The following SPECC1 variants were observed in gnomAD, a reference collection of about 807,000 sequenced individuals.
The protein encoded by SPECC1 is cytospin-B.
SPECC1 carries 62 observed loss-of-function variants against 104.1 expected under a neutral mutation model. That is an observed-to-expected ratio of 0.60 (90% CI 0.49 to 0.74). SPECC1 has a LOEUF of 0.74. Among genes scored for constraint, SPECC1 ranks in the 30% least tolerant of loss-of-function variants. The probability of loss-of-function intolerance (pLI) is 0.00; values close to 1 mark genes in which losing one functional copy is unlikely to be tolerated. For missense variants in SPECC1, 1,306 were observed against 1,310.5 expected (o/e 1.00, Z 0.05); for synonymous variants, 513 against 501.6 (o/e 1.02, Z -0.30).
intron 4 of SPECC1, among the ~76,000 whole-genome samples, chr17:20,211,343 T>C (rs1001821961): frequency 6.6e-6 from 1 of 152,212 alleles, no homozygotes; most frequent in African/African-American, 2.4e-5. Context: ...CAGCAGCTCC[T>C]GTCAACAGGG....
At chr17:20,091,941 G>A (rs1229097348) in intron 1 of SPECC1, among the ~76,000 whole-genome samples, 1 of 152,176 alleles carries the variant, frequency 6.6e-6, no homozygotes, top group Non-Finnish European at 1.5e-5. Flanking sequence ...GGCTCCGAAG[G>A]CAGCAATTTA....
At chr17:20,126,588 C>G (rs4588033) in intron 3 of SPECC1, 44,461 of 152,080 alleles carry the variant, frequency 0.29, 8,282 homozygotes, top group Non-Finnish European at 0.41. Context: ...TCAGTTGATT[C>G]TCAGGTGTCT....
chr17:20,268,321 G>A (rs138820506), intron 12 of SPECC1, among the ~76,000 whole-genome samples: 9 of 152,304 alleles, frequency 5.9e-5, no homozygotes, highest in African/African-American at 2.2e-4. Flanking sequence ...GTCTTTGTGT[G>A]TCCACACTGA....
chr17:20,020,842 T>C (rs1477594834), intron 1 of SPECC1, among the ~76,000 whole-genome samples: 1 of 152,208 alleles, frequency 6.6e-6, no homozygotes, highest in African/African-American at 2.4e-5. Flanking sequence ...ATAATACTTT[T>C]GTGTATATAC....
rs930442854 is a variant in SPECC1 at position 20,263,254 on chromosome 17, G to C, written c.2940+2960G>C. Among the ~76,000 whole-genome samples the C allele has an allele frequency of 3.3e-5, 5 of 149,378 alleles. No individual in the cohort carries two copies. In the South Asian group the frequency reaches 1.1e-3, roughly 32 times the overall value. On this transcript the variant is annotated intron_variant, in intron 12 of 14. Coordinates refer to ENST00000395527, the MANE Select transcript of SPECC1 (RefSeq NM_001243439.2). The stretch of plus-strand genomic sequence containing the variant: ...ACTTCTTATTCTTTCCTGTGTCCTT[G>C]GCAGCGTGACTGATGGGCTGGGGAG...
chr17:20,199,909 C>T (rs2036300073), intron 3 of SPECC1, among the ~76,000 whole-genome samples: 1 of 152,180 alleles, frequency 6.6e-6, no homozygotes, highest in Admixed American at 6.5e-5. Context: ...CTTGCCTCAG[C>T]CTCCTGAGTA....
rs2151382885 is a variant in SPECC1 at position 20,211,382 on chromosome 17, A to G, written c.1863+5470A>G. 2.0e-5 allele frequency among the ~76,000 whole-genome samples: 3 copies of G among 152,334 alleles called. No individual in the cohort carries two copies. The South Asian group carries it at 6.2e-4, about 32-fold the overall frequency. On this transcript the variant is annotated intron_variant, in intron 4 of 14. Coordinates refer to ENST00000395527, the MANE Select transcript of SPECC1 (RefSeq NM_001243439.2). ...GTTTTCCAGCTCCCCTGGGCAAGCC[A>G]TGAGGATGTGGAAGTCGAGGAGGCC...
At chr17:20,070,712 A>AT (rs1371031942) in intron 1 of SPECC1, among the ~76,000 whole-genome samples, 1 of 152,112 alleles carries the variant, frequency 6.6e-6, no homozygotes, top group African/African-American at 2.4e-5. Context: ...CTTTGTATTC[A>AT]TTCATGATTA....
At chr17:20,198,624 A>G (rs1249024501) in intron 3 of SPECC1, among the ~76,000 whole-genome samples, 3 of 152,178 alleles carry the variant, frequency 2.0e-5, no homozygotes, top group Non-Finnish European at 4.4e-5. Flanking sequence ...CTTACCCAAG[A>G]AGGCCTTTAC....
intron 1 of SPECC1, among the ~76,000 whole-genome samples, chr17:20,094,017 C>T (rs1412458655): frequency 1.3e-5 from 2 of 151,994 alleles, no homozygotes; most frequent in African/African-American, 2.4e-5. Flanking sequence ...AGGTGTGAGC[C>T]ACTCCCAGCC....
At position 20,314,028 on chromosome 17, in the gene SPECC1, A is replaced by G; in HGVS notation, c.3170A>G (p.Gln1057Arg). Reference protein sequence around the residue: ...TDRPDWQSVMQYVAQIYKYFE... With the variant: ...TDRPDWQSVMRYVAQIYKYFE... The stretch of plus-strand genomic sequence containing the variant: ...CGGCCCGACTGGCAGAGTGTGATGC[A>G]GTACGTGGCCCAAATCTACAAGTAC... Residue 1057 changes from glutamine (Q) to arginine (R), a missense_variant, in exon 15 of 15, where the codon CAG becomes CGG. By Grantham distance (43) the Gln-to-Arg change is conservative. Transcript: ENST00000395527. 2 of 1,614,210 alleles carry G rather than the reference A, an allele frequency of 1.2e-6. No individual in the cohort carries two copies. The highest frequency in any genetic ancestry group is 2.2e-5 in the East Asian group (1 of 44,884).
intron 1 of SPECC1, among the ~76,000 whole-genome samples, chr17:20,053,309 A>G (rs2045843365): frequency 6.6e-6 from 1 of 152,178 alleles, no homozygotes; most frequent in Non-Finnish European, 1.5e-5. Context: ...AGTCATGACC[A>G]TCTATGGGTA....
At chr17:20,309,983 A>G (rs2041884952) in intron 14 of SPECC1, among the ~76,000 whole-genome samples, 1 of 148,682 alleles carries the variant, frequency 6.7e-6, no homozygotes, top group Non-Finnish European at 1.5e-5. Context: ...ATGCCCAGCT[A>G]ATTTTTTGTA....
chr17:20,237,975 C>T (rs745310944), intron 7 of SPECC1: 108 of 960,736 alleles, frequency 1.1e-4, no homozygotes, highest in Middle Eastern at 9.9e-4. Context: ...CTCCTGACCT[C>T]AAGTGATCTG....
At chr17:20,245,553 C>T (rs781118497) in intron 7 of SPECC1, among the ~76,000 whole-genome samples, 2 of 152,048 alleles carry the variant, frequency 1.3e-5, no homozygotes, top group African/African-American at 4.8e-5. Flanking sequence ...TGTCGGCAGC[C>T]GGTCCACTGC....
At chr17:20,254,921 GTAAACACTGACAA>G (rs1373712759) in intron 10 of SPECC1, among the ~76,000 whole-genome samples, 14 of 152,104 alleles carry the variant, frequency 9.2e-5, no homozygotes. Flanking sequence ...TTAGAGTTGG[GTAAACACTGACAA>G]TTGAGAATTT....
chr17:20,046,029 A>G (rs1212410190), intron 1 of SPECC1, among the ~76,000 whole-genome samples: 1 of 150,682 alleles, frequency 6.6e-6, no homozygotes, highest in African/African-American at 2.4e-5. Flanking sequence ...AAAAAAAACC[A>G]TTAGCATAGT....
intron 7 of SPECC1, chr17:20,237,131 TG>T (rs1222380636): frequency 6.5e-6 from 9 of 1,383,196 alleles, no homozygotes; most frequent in Non-Finnish European, 8.4e-6. Flanking sequence ...CTCAGAAGAT[TG>T]AGCTGTCTTT....
intron 1 of SPECC1, among the ~76,000 whole-genome samples, chr17:20,039,546 T>C (rs1412056645): frequency 6.6e-6 from 1 of 152,226 alleles, no homozygotes; most frequent in African/African-American, 2.4e-5. Flanking sequence ...TGTTGGTATA[T>C]TTAAAGCAGG....
Sources: allele counts gnomAD v4.1 joint callset (sites outside exome capture counted in the v4.1 genomes callset), GRCh38; gene constraint gnomAD v4.1.1; transcripts MANE v1.5; gene names NCBI Gene and HGNC (gene_info 2026-07-23, HGNC 2026-07-21).